The following NUP133 variants were observed in gnomAD, a reference collection of about 807,000 sequenced individuals.
The protein encoded by NUP133 is nucleoporin 133, also known as nuclear pore complex protein Nup133.
A neutral mutation model predicts 146.2 loss-of-function variants in NUP133; 66 were observed. The ratio of observed to expected loss-of-function variants is 0.45; its 90% CI spans 0.37 to 0.55. The LOEUF is 0.55. NUP133 is among the 20% of genes least tolerant of loss of function. NUP133 has a pLI of 0.00. For missense variants in NUP133, 1,277 were observed against 1,374.8 expected (o/e 0.93, Z 1.12); for synonymous variants, 521 against 498.8 (o/e 1.04, Z -0.59).
At chr1:229,498,350 G>GCTAA (rs778950159) in intron 5 of NUP133, 44 bp from the exon 6 acceptor site, 91 of 1,375,192 alleles carry the variant, frequency 6.6e-5, no homozygotes, top group Non-Finnish European at 8.8e-5. Context: ...AGCATCGAAT[G>GCTAA]CTAAGATAAA....
intron 14 of NUP133, among the ~76,000 whole-genome samples, chr1:229,474,768 C>T (rs1052926638): frequency 1.3e-4 from 20 of 152,116 alleles, no homozygotes; most frequent in African/African-American, 3.9e-4. Context: ...AAAAAATTAG[C>T]CGGGTGTGGT....
Position 229,505,537 on chromosome 1 carries a change from G to A in NUP133, c.301+503C>T, listed in dbSNP as rs142149230. 6.2e-3 allele frequency among the ~76,000 whole-genome samples: 748 copies of A among 120,370 alleles called. 6 individuals are homozygous for A. The highest frequency in any genetic ancestry group is 0.038 in the Middle Eastern group (5 of 130). The allele number at this position is 120,370 out of a possible 152,430, so 79.0% of individuals were successfully genotyped here. On this transcript the variant is annotated intron_variant, in intron 2 of 25. Coordinates refer to ENST00000261396, the MANE Select transcript of NUP133 (RefSeq NM_018230.3). ...TTCAAATGAACTCATTCTCCTTCTC[G>A]AATGTATTATACATCTCAATTACAG...
intron 2 of NUP133, 96 bp from the exon 3 acceptor site, chr1:229,502,198 G>A (rs979596419): frequency 1.2e-5 from 10 of 817,092 alleles, no homozygotes; most frequent in South Asian, 3.0e-5. Flanking sequence ...ACTCAGAAAC[G>A]ACTACCTCAC....
Position 229,487,598 on chromosome 1 carries a change from A to C in NUP133, c.1210T>G (p.Leu404Val). 1 of 1,607,910 alleles carries C rather than the reference A, an allele frequency of 6.2e-7. No homozygotes were observed. Reference sequence around the variant, plus strand: ...AAGTTTGGGACCGTCAACTGACACAAAATCAGGTCTTCAGACTGAAAGTTA... The same window carrying C: ...AAGTTTGGGACCGTCAACTGACACACAATCAGGTCTTCAGACTGAAAGTTA... ...NPPFQSEDLI[L>V]CQLTVPNFSN... is the part of the protein sequence containing the mutation. The change falls in exon 10 of 26, where the codon TTG becomes GTG. Residue 404 changes from leucine (L) to valine (V), a missense_variant. Leu to Val is a conservative substitution (Grantham distance 32). Transcript: ENST00000261396.
At chr1:229,505,564 T>TAAAAAAAAAA (rs56383157) in intron 2 of NUP133, among the ~76,000 whole-genome samples, 1 of 63,242 alleles carries the variant, frequency 1.6e-5, no homozygotes, top group Non-Finnish European at 3.0e-5. Flanking sequence ...CAATTACAGT[T>TAAAAAAAAAA]AAAAAAAAAA....
In NUP133 at chr1:229,465,436, T is replaced by C. The variant is rs756395037; in HGVS notation, c.2283A>G (p.Glu761=). 3.7e-6 allele frequency: 6 copies of C among 1,609,380 alleles called. No individual in the cohort carries two copies. The highest frequency in any genetic ancestry group is 8.5e-7 in the Non-Finnish European group (1 of 1,175,760). The change falls in exon 17 of 26, where the codon GAA becomes GAG. Residue 761 remains glutamate, a synonymous_variant. Transcript: ENST00000261396. The stretch of plus-strand genomic sequence containing the variant: ...GTATATTACCCGTCCATGGAACATA[T>C]TCAGGTTCTTTTTCTAGTGATTCTT... ...RREESLEKEP[E]YVPWTATSGP... is the part of the protein sequence containing the mutation.
intron 2 of NUP133, among the ~76,000 whole-genome samples, chr1:229,505,670 T>C (rs1037614837): frequency 2.0e-5 from 3 of 150,358 alleles, no homozygotes; most frequent in African/African-American, 7.3e-5. Flanking sequence ...GCAGATCACC[T>C]GAGGTCAGGA....
intron 15 of NUP133, among the ~76,000 whole-genome samples, chr1:229,468,436 A>G (rs187713792): frequency 1.0e-3 from 152 of 152,354 alleles, no homozygotes; most frequent in African/African-American, 3.4e-3. Context: ...GCTAAAGACC[A>G]ACGAACATCA....
rs188611894 is a variant in NUP133 at position 229,442,315 on chromosome 1, T to C, written c.3335-275A>G. Among the ~76,000 whole-genome samples, 451 of 152,384 alleles carry C rather than the reference T, an allele frequency of 3.0e-3. 1 individual carries two copies. Among genetic ancestry groups the C allele is most frequent in the South Asian group, 6.6e-3 (32 of 4,830 alleles). The stretch of plus-strand genomic sequence containing the variant: ...TTTAATAAGATCTGAAACGTTTTCA[T>C]GTATTCCCAAGCTTGAAAACAAGTA... On this transcript the variant is annotated intron_variant, in intron 25 of 25. Transcript: ENST00000261396.
intron 23 of NUP133, 34 bp from the exon 24 acceptor site, chr1:229,449,224 T>A: frequency 7.0e-7 from 1 of 1,437,986 alleles, no homozygotes; most frequent in Non-Finnish European, 9.7e-7. Flanking sequence ...CCTGATTAAA[T>A]CCTGGCTCTG....
chr1:229,480,339 C>A (rs557766456), intron 12 of NUP133, among the ~76,000 whole-genome samples: 1 of 152,006 alleles, frequency 6.6e-6, no homozygotes, highest in Non-Finnish European at 1.5e-5. Flanking sequence ...CTCTTGAAAG[C>A]GTGAAAGGCC....
At chr1:229,450,742 T>G in intron 22 of NUP133, 137 bp from the exon 23 acceptor site, 1 of 470,570 alleles carries the variant, frequency 2.1e-6, no homozygotes. Flanking sequence ...TTTGTTTTTT[T>G]TGAGACAAAG....
chr1:229,501,860 A>G (rs752883015), intron 3 of NUP133, 139 bp downstream of exon 3: 3 of 614,692 alleles, frequency 4.9e-6, no homozygotes, highest in Non-Finnish European at 2.9e-6. Flanking sequence ...ATTTCACATC[A>G]CTATGAAAAT....
At chr1:229,469,087 T>C (rs1197489499) in intron 15 of NUP133, among the ~76,000 whole-genome samples, 1 of 152,188 alleles carries the variant, frequency 6.6e-6, no homozygotes, top group African/African-American at 2.4e-5. Context: ...AGCTAGGCTA[T>C]AGGAGGAAGG....
At chr1:229,446,928 C>A (rs1660315066) in intron 24 of NUP133, among the ~76,000 whole-genome samples, 1 of 151,890 alleles carries the variant, frequency 6.6e-6, no homozygotes, top group Non-Finnish European at 1.5e-5. Context: ...AGTTCGAGAC[C>A]AGCCTGACCA....
At chr1:229,466,807 G>A (rs760575645) in intron 15 of NUP133, 51 bp from the exon 16 acceptor site, 12 of 1,587,404 alleles carry the variant, frequency 7.6e-6, no homozygotes, top group South Asian at 2.2e-5. Context: ...TATGGTGATG[G>A]GTAACAACTA....
At chr1:229,461,086 T>C (rs556437237) in intron 19 of NUP133, among the ~76,000 whole-genome samples, 1 of 152,154 alleles carries the variant, frequency 6.6e-6, no homozygotes, top group Non-Finnish European at 1.5e-5. Flanking sequence ...TAAAATTCAG[T>C]TCCTTAGGTA....
chr1:229,499,635 A>G (rs1661747046), intron 5 of NUP133, 49 bp downstream of exon 5: 1 of 1,557,144 alleles, frequency 6.4e-7, no homozygotes, highest in South Asian at 1.2e-5. Context: ...TTTATTTCCA[A>G]GCCAAATCAC....
intron 14 of NUP133, among the ~76,000 whole-genome samples, chr1:229,473,292 T>C (rs1661000860): frequency 6.6e-6 from 1 of 152,190 alleles, no homozygotes. Flanking sequence ...TATCTAGTTA[T>C]ACCTTTTTCC....
Sources: allele counts gnomAD v4.1 joint callset (sites outside exome capture counted in the v4.1 genomes callset), GRCh38; gene constraint gnomAD v4.1.1; transcripts MANE v1.5; gene names NCBI Gene and HGNC (gene_info 2026-07-23, HGNC 2026-07-21).